Variants in SLC25A24 observed in about 807,000 individuals in gnomAD.
The protein encoded by SLC25A24 is solute carrier family 25 member 24, also known as mitochondrial adenyl nucleotide antiporter SLC25A24.
In SLC25A24, 49 loss-of-function variants were observed where a neutral mutation model predicts 60.7. That is an observed-to-expected ratio of 0.81 (90% CI 0.64 to 1.02). The LOEUF (loss-of-function observed/expected upper bound fraction) is 1.02. SLC25A24 is among the 50% of genes least tolerant of loss of function. The pLI is 0.00. For synonymous variants in SLC25A24, 202 were observed against 200.6 expected (o/e 1.01, Z -0.06); for missense variants, 564 against 586.3 (o/e 0.96, Z 0.39).
At chr1:108,138,262 C>T (rs933683228) in intron 9 of SLC25A24, among the ~76,000 whole-genome samples, 1 of 152,192 alleles carries the variant, frequency 6.6e-6, no homozygotes, top group African/African-American at 2.4e-5. Flanking sequence ...GGGACAATGG[C>T]TCAGGGAGTA....
At chr1:108,159,462 TTG>T (rs1241331464) in intron 4 of SLC25A24, among the ~76,000 whole-genome samples, 9 of 107,962 alleles carry the variant, frequency 8.3e-5, no homozygotes, top group Admixed American at 7.6e-4. Flanking sequence ...CAGTCTTGGG[TTG>T]TTTTTTTTTT....
In SLC25A24 at chr1:108,159,864, T is replaced by A. The variant is rs1264155667; in HGVS notation, c.510+1318A>T. Among the ~76,000 whole-genome samples the A allele has an allele frequency of 5.2e-3, 786 of 151,486 alleles. 6 individuals are homozygous for A. The highest frequency in any genetic ancestry group is 0.019 in the African/African-American group (769 of 41,232). ...AAATGAAAAGTCTCCCATGTCTACC[T>A]CTTTCTACACAGACACAGCAACCAT... is the stretch of plus-strand genomic sequence containing the variant. On this transcript the variant is annotated intron_variant, in intron 4 of 9. Transcript: ENST00000565488.
chr1:108,146,331 T>G (rs1015835360), intron 7 of SLC25A24, among the ~76,000 whole-genome samples: 3 of 152,166 alleles, frequency 2.0e-5, no homozygotes, highest in African/African-American at 7.2e-5. Flanking sequence ...ACAAGGAGGT[T>G]TTCTAAATAT....
chr1:108,167,335 G>A (rs1274751115), intron 3 of SLC25A24, among the ~76,000 whole-genome samples: 2 of 151,876 alleles, frequency 1.3e-5, no homozygotes, highest in African/African-American at 4.8e-5. Context: ...TGAGCTTCCC[G>A]GCTGCTTTGT....
At chr1:108,175,420 G>GT (rs1199648209) in intron 3 of SLC25A24, among the ~76,000 whole-genome samples, 1 of 152,174 alleles carries the variant, frequency 6.6e-6, no homozygotes, top group Non-Finnish European at 1.5e-5. Flanking sequence ...CCAAGCAAAA[G>GT]TAAGTCAATT....
chr1:108,166,140 G>A (rs539666950), intron 3 of SLC25A24, among the ~76,000 whole-genome samples: 2 of 151,382 alleles, frequency 1.3e-5, no homozygotes, highest in African/African-American at 4.9e-5. Context: ...CTTCTGGTTT[G>A]TAGAGTTTCT....
intron 8 of SLC25A24, among the ~76,000 whole-genome samples, chr1:108,142,115 A>C (rs1402215171): frequency 6.6e-6 from 1 of 152,218 alleles, no homozygotes; most frequent in Admixed American, 6.5e-5. Context: ...GCTTTTTTAA[A>C]ATGGAAATTA....
In SLC25A24 at chr1:108,157,631, G is replaced by GA; in HGVS notation, c.511-12dup. On this transcript the variant is annotated splice_polypyrimidine_tract_variant and intron_variant, in intron 4 of 9. Transcript: ENST00000565488. Reference sequence around the variant, plus strand: ...CCCTATGTCAATTCCCTGTAAAAATGAAAAAAAGATCCCCATGCGCCTTAG... The same window carrying GA: ...CCCTATGTCAATTCCCTGTAAAAATGAAAAAAAAGATCCCCATGCGCCTTAG... 2 of 1,603,340 alleles carry GA rather than the reference G, an allele frequency of 1.2e-6. No homozygotes were observed. The highest frequency in any genetic ancestry group is 1.1e-5 in the South Asian group (1 of 89,474).
chr1:108,160,312 A>G (rs1284714383), intron 4 of SLC25A24, among the ~76,000 whole-genome samples: 2 of 146,342 alleles, frequency 1.4e-5, no homozygotes, highest in Admixed American at 6.8e-5. Flanking sequence ...CACTTCCTAG[A>G]TGGGATGGCG....
At chr1:108,174,007 G>T (rs1647575583) in intron 3 of SLC25A24, among the ~76,000 whole-genome samples, 1 of 152,196 alleles carries the variant, frequency 6.6e-6, no homozygotes, top group Admixed American at 6.5e-5. Flanking sequence ...GAGGACAAAA[G>T]TTTGTCAAAT....
chr1:108,155,958 C>T (rs1462627154), intron 5 of SLC25A24, among the ~76,000 whole-genome samples: 2 of 150,758 alleles, frequency 1.3e-5, no homozygotes, highest in African/African-American at 2.4e-5. Context: ...TAAACACACA[C>T]ACACACACAC....
intron 8 of SLC25A24, among the ~76,000 whole-genome samples, chr1:108,140,983 T>C (rs10881506): frequency 0.37 from 56,547 of 151,948 alleles, 10,895 homozygotes; most frequent in Middle Eastern, 0.51. Context: ...AATCCCCTAA[T>C]TAAAAGATAT....
intron 6 of SLC25A24, among the ~76,000 whole-genome samples, chr1:108,153,548 T>C (rs576085200): frequency 6.6e-6 from 1 of 152,252 alleles, no homozygotes; most frequent in Admixed American, 6.5e-5. Context: ...TATATGCTTG[T>C]CACAGGAAGG....
chr1:108,196,412 G>T (rs1648497485), intron 1 of SLC25A24, among the ~76,000 whole-genome samples: 1 of 152,128 alleles, frequency 6.6e-6, no homozygotes, highest in African/African-American at 2.4e-5. Context: ...CTCTGTCCAG[G>T]ATGCAGGCAA....
chr1:108,198,028 C>T (rs1648547733), intron 1 of SLC25A24, among the ~76,000 whole-genome samples: 1 of 152,136 alleles, frequency 6.6e-6, no homozygotes, highest in Non-Finnish European at 1.5e-5. Context: ...CAGGACACCC[C>T]TCGGATTTTG....
chr1:108,170,865 G>A (rs1351859277), intron 3 of SLC25A24, among the ~76,000 whole-genome samples: 1 of 151,976 alleles, frequency 6.6e-6, no homozygotes, highest in Non-Finnish European at 1.5e-5. Flanking sequence ...AGTCCTAACT[G>A]ATCAGAAGGT....
intron 6 of SLC25A24, among the ~76,000 whole-genome samples, chr1:108,153,608 G>A (rs1679810050): frequency 6.6e-6 from 1 of 152,152 alleles, no homozygotes; most frequent in Non-Finnish European, 1.5e-5. Flanking sequence ...CAGGAGGAGA[G>A]AAAACAGCAC....
chr1:108,189,106 C>G (rs934639349), intron 1 of SLC25A24, among the ~76,000 whole-genome samples: 1 of 152,200 alleles, frequency 6.6e-6, no homozygotes, highest in South Asian at 2.1e-4. Flanking sequence ...TTTGGGGCCA[C>G]AGTTTTCACT....
chr1:108,140,938 C>A (rs1436226658), intron 8 of SLC25A24, among the ~76,000 whole-genome samples: 1 of 152,086 alleles, frequency 6.6e-6, no homozygotes, highest in Non-Finnish European at 1.5e-5. Flanking sequence ...GTAAGTCCTT[C>A]CCTATCAGTA....
Sources: allele counts gnomAD v4.1 joint callset (sites outside exome capture counted in the v4.1 genomes callset), GRCh38; gene constraint gnomAD v4.1.1; transcripts MANE v1.5; gene names NCBI Gene and HGNC (gene_info 2026-07-23, HGNC 2026-07-21).